Variants in IGSF11 observed in about 807,000 individuals in gnomAD.
IGSF11 encodes the protein CXADR like 1.
In IGSF11, 22 loss-of-function variants were observed where a neutral mutation model predicts 41.0. The ratio of observed to expected loss-of-function variants is 0.54; its 90% CI spans 0.38 to 0.77. The LOEUF is 0.77. IGSF11 is among the 30% of genes least tolerant of loss of function. IGSF11 has a pLI of 0.00. For missense variants in IGSF11, 444 were observed against 530.8 expected, an observed-to-expected ratio of 0.84 and a Z score of 1.61; for synonymous variants, 219 against 201.3, an observed-to-expected ratio of 1.09 and a Z score of -0.74.
intron 1 of IGSF11, among the ~76,000 whole-genome samples, chr3:119,067,941 T>G (rs576593269): frequency 6.6e-6 from 1 of 152,250 alleles, no homozygotes; most frequent in Non-Finnish European, 1.5e-5. Context: ...AATGGAAACA[T>G]TGGCCTGCTG....
upstream of IGSF11, among the ~76,000 whole-genome samples, chr3:119,036,265 G>C (rs1372011564): frequency 6.6e-6 from 1 of 152,166 alleles, no homozygotes; most frequent in Non-Finnish European, 1.5e-5. Context: ...TATGACAGTA[G>C]AGTTTTTCAT....
At chr3:119,066,825 C>T (rs1942247655) in intron 1 of IGSF11, among the ~76,000 whole-genome samples, 2 of 152,186 alleles carry the variant, frequency 1.3e-5, no homozygotes, top group African/African-American at 4.8e-5. Context: ...CTGCTGTATC[C>T]ATAAAACCTA....
At chr3:119,058,765 A>T (rs1941948381) in intron 1 of IGSF11, among the ~76,000 whole-genome samples, 1 of 152,184 alleles carries the variant, frequency 6.6e-6, no homozygotes, top group South Asian at 2.1e-4. Flanking sequence ...AAAATGTGGC[A>T]CATATACACC....
At position 118,948,928 on chromosome 3, in the gene IGSF11, C is replaced by T. The variant is rs1944364650; in HGVS notation, c.53-18653G>A. On this transcript the variant is annotated intron_variant, in intron 1 of 6. Coordinates refer to ENST00000393775, the MANE Select transcript of IGSF11 (RefSeq NM_001015887.3). ...CGGAGCTTGCAGTGAGCCGAGATCGCGCCACTGCCCTCCAGCCTGGGCGAC... is the reference window on the plus strand; with the variant it reads ...CGGAGCTTGCAGTGAGCCGAGATCGTGCCACTGCCCTCCAGCCTGGGCGAC... Among the ~76,000 whole-genome samples, 3 of 149,940 alleles carry T rather than the reference C, an allele frequency of 2.0e-5. 1 individual carries two copies. The highest frequency in any genetic ancestry group is 4.2e-4 in the South Asian group (2 of 4,736).
At chr3:118,986,918 T>A (rs1272921843) in intron 1 of IGSF11, among the ~76,000 whole-genome samples, 1 of 152,200 alleles carries the variant, frequency 6.6e-6, no homozygotes. Context: ...CTCTGGGTAA[T>A]GAGGTCACTC....
chr3:118,907,765 G>A (rs1939786884), intron 4 of IGSF11, among the ~76,000 whole-genome samples: 1 of 152,134 alleles, frequency 6.6e-6, no homozygotes, highest in Non-Finnish European at 1.5e-5. Flanking sequence ...TACACAAGTA[G>A]CAGCAATCTA....
At chr3:118,920,840 C>T (rs1663226377) in intron 4 of IGSF11, among the ~76,000 whole-genome samples, 1 of 152,214 alleles carries the variant, frequency 6.6e-6, no homozygotes, top group African/African-American at 2.4e-5. Flanking sequence ...TATAATGCTT[C>T]CTATGCAATG....
chr3:118,991,022 T>C (rs1935744052), intron 1 of IGSF11, among the ~76,000 whole-genome samples: 1 of 152,102 alleles, frequency 6.6e-6, no homozygotes, highest in Non-Finnish European at 1.5e-5. Flanking sequence ...TGCACAGCCC[T>C]CTCAAATCCA....
At chr3:119,027,184 T>C (rs1939907364) in intron 1 of IGSF11, among the ~76,000 whole-genome samples, 1 of 152,104 alleles carries the variant, frequency 6.6e-6, no homozygotes, top group African/African-American at 2.4e-5. Context: ...GAGTAAAAGA[T>C]CCACTCAAAG....
intron 1 of IGSF11, among the ~76,000 whole-genome samples, chr3:119,126,744 G>A (rs2077409360): frequency 6.6e-6 from 1 of 152,034 alleles, no homozygotes; most frequent in Non-Finnish European, 1.5e-5. Flanking sequence ...AAGGCCTGAA[G>A]CAAATCCCCA....
At chr3:118,942,255 T>C (rs1943754558) in intron 1 of IGSF11, among the ~76,000 whole-genome samples, 1 of 152,234 alleles carries the variant, frequency 6.6e-6, no homozygotes, top group South Asian at 2.1e-4. Flanking sequence ...ATAACTATAC[T>C]GTAAAACTGG....
chr3:118,937,248 A>G (rs982057807), intron 1 of IGSF11, among the ~76,000 whole-genome samples: 1 of 152,226 alleles, frequency 6.6e-6, no homozygotes, highest in African/African-American at 2.4e-5. Flanking sequence ...TATTTCTCAC[A>G]TAAATACATG....
intron 4 of IGSF11, among the ~76,000 whole-genome samples, chr3:118,914,939 TCCCTGAC>T (rs1940899000): frequency 7.1e-6 from 1 of 140,432 alleles, no homozygotes; most frequent in Non-Finnish European, 1.5e-5. Context: ...CTCAAGTGGG[TCCCTGAC>T]CCCTGACCCC....
intron 1 of IGSF11, among the ~76,000 whole-genome samples, chr3:119,083,068 C>T (rs1313313072): frequency 1.3e-5 from 2 of 151,938 alleles, no homozygotes; most frequent in Middle Eastern, 3.4e-3. Flanking sequence ...TCACTGATTG[C>T]CCCAGATAAT....
intron 1 of IGSF11, among the ~76,000 whole-genome samples, chr3:119,022,941 T>G (rs891611297): frequency 6.6e-6 from 1 of 152,092 alleles, no homozygotes; most frequent in African/African-American, 2.4e-5. Flanking sequence ...AGCAGCATTA[T>G]TCATTGTAGG....
intron 1 of IGSF11, among the ~76,000 whole-genome samples, chr3:119,004,041 C>T (rs1169332492): frequency 1.3e-5 from 2 of 151,876 alleles, no homozygotes; most frequent in South Asian, 4.2e-4. Context: ...AGGAATGGTA[C>T]CAGTTCCTCC....
At chr3:119,101,898 G>A (rs925207340) in intron 1 of IGSF11, among the ~76,000 whole-genome samples, 3 of 152,110 alleles carry the variant, frequency 2.0e-5, no homozygotes, top group African/African-American at 7.2e-5. Flanking sequence ...TAATGTTAGT[G>A]AATTATAAGA....
At chr3:119,131,200 C>T (rs1414038173) in intron 1 of IGSF11, among the ~76,000 whole-genome samples, 1 of 152,136 alleles carries the variant, frequency 6.6e-6, no homozygotes, top group Non-Finnish European at 1.5e-5. Flanking sequence ...CAGAGAATGA[C>T]TTTGACAAGT....
In IGSF11 at chr3:118,972,168, G is replaced by T. The variant is rs374391185; in HGVS notation, c.53-41893C>A. 1.1e-4 allele frequency among the ~76,000 whole-genome samples: 16 copies of T among 152,272 alleles called. No individual in the cohort carries two copies. In the East Asian group the frequency reaches 2.5e-3, roughly 24 times the overall value. ...CTTGACCTGAACTTGAGATTTGGGG[G>T]TTTATTCCTGTCCTTCTCTCCAATT... On this transcript the variant is annotated intron_variant, in intron 1 of 6. Coordinates refer to ENST00000393775, the MANE Select transcript of IGSF11 (RefSeq NM_001015887.3).
Sources: allele counts gnomAD v4.1 joint callset (sites outside exome capture counted in the v4.1 genomes callset), GRCh38; gene constraint gnomAD v4.1.1; transcripts MANE v1.5; gene names NCBI Gene and HGNC (gene_info 2026-07-23, HGNC 2026-07-21).